The following TBC1D12 variants were observed in gnomAD, a reference collection of about 807,000 sequenced individuals.
TBC1D12 encodes the protein TBC1 domain family member 12.
TBC1D12 carries 56 observed loss-of-function variants against 86.7 expected under a neutral mutation model. The ratio of observed to expected loss-of-function variants is 0.65; its 90% confidence interval spans 0.52 to 0.81. TBC1D12 has a LOEUF of 0.81. TBC1D12 is among the 30% of genes least tolerant of loss of function. TBC1D12 has a pLI of 0.00. For missense variants in TBC1D12, 1,023 were observed against 1,038.8 expected, an observed-to-expected ratio of 0.98 and a Z score of 0.21; for synonymous variants, 421 against 411.7, an observed-to-expected ratio of 1.02 and a Z score of -0.27.
chr10:94,483,008 C>T (rs1303492253), intron 3 of TBC1D12, among the ~76,000 whole-genome samples: 1 of 151,416 alleles, frequency 6.6e-6, no homozygotes, highest in Non-Finnish European at 1.5e-5. Flanking sequence ...GAATAATACT[C>T]CATTGTCTAT....
chr10:94,441,725 A>G (rs1439201139), intron 1 of TBC1D12, among the ~76,000 whole-genome samples, 171 bp from the exon 2 acceptor site: 1 of 152,204 alleles, frequency 6.6e-6, no homozygotes, highest in East Asian at 1.9e-4. Context: ...ATTAAGCTAC[A>G]TATTCTTAAT....
chr10:94,461,564 A>G (rs1309365717), intron 2 of TBC1D12, among the ~76,000 whole-genome samples: 2 of 152,260 alleles, frequency 1.3e-5, no homozygotes, highest in East Asian at 1.9e-4. Flanking sequence ...AAAACTCACG[A>G]AAGTGTATGC....
chr10:94,482,321 C>A (rs1344245595), intron 3 of TBC1D12, among the ~76,000 whole-genome samples: 2 of 151,152 alleles, frequency 1.3e-5, no homozygotes, highest in Non-Finnish European at 2.9e-5. Context: ...TCAATGGTTC[C>A]CGCTTTTGTT....
intron 2 of TBC1D12, among the ~76,000 whole-genome samples, chr10:94,443,495 T>C (rs898476559): frequency 6.6e-6 from 1 of 152,212 alleles, no homozygotes; most frequent in Non-Finnish European, 1.5e-5. Context: ...AGTTTATCTA[T>C]TGGTACTTAA....
intron 2 of TBC1D12, chr10:94,447,668 T>C: frequency 1.0e-6 from 1 of 985,194 alleles, no homozygotes; most frequent in African/African-American, 1.7e-5. Flanking sequence ...TTTGAACCAG[T>C]TGGTGAGCCG....
chr10:94,530,524 A>C (rs1842395371), intron 11 of TBC1D12, among the ~76,000 whole-genome samples: 1 of 152,220 alleles, frequency 6.6e-6, no homozygotes, highest in African/African-American at 2.4e-5. Context: ...CATTTCTTAC[A>C]TGCCAAACGC....
At chr10:94,490,597 T>G (rs2056232956) in intron 3 of TBC1D12, among the ~76,000 whole-genome samples, 1 of 152,202 alleles carries the variant, frequency 6.6e-6, no homozygotes, top group Non-Finnish European at 1.5e-5. Context: ...ATGTCAGACA[T>G]TGTGGTTTAC....
At chr10:94,513,649 G>A (rs2056552630) in intron 9 of TBC1D12, among the ~76,000 whole-genome samples, 2 of 151,802 alleles carry the variant, frequency 1.3e-5, no homozygotes, top group African/African-American at 4.8e-5. Context: ...TCGACTTCCT[G>A]GTCCCCTGGT....
At chr10:94,411,435 G>A (rs1174693834) in intron 1 of TBC1D12, among the ~76,000 whole-genome samples, 3 of 152,152 alleles carry the variant, frequency 2.0e-5, no homozygotes, top group African/African-American at 7.2e-5. Flanking sequence ...AAAATCACCT[G>A]AAAGCACCCA....
intron 4 of TBC1D12, 23 bp from the exon 5 acceptor site, chr10:94,497,032 T>A: frequency 7.0e-7 from 1 of 1,438,110 alleles, no homozygotes. Flanking sequence ...TGTATTGAAA[T>A]AATTTTTACT....
At chr10:94,516,443 G>A (rs2056592631) in intron 9 of TBC1D12, among the ~76,000 whole-genome samples, 1 of 151,728 alleles carries the variant, frequency 6.6e-6, no homozygotes, top group African/African-American at 2.4e-5. Flanking sequence ...ATTATACTAA[G>A]TTCTAGGGTA....
intron 1 of TBC1D12, among the ~76,000 whole-genome samples, chr10:94,438,494 A>AG (rs1275225594): frequency 6.6e-6 from 1 of 152,032 alleles, no homozygotes; most frequent in Non-Finnish European, 1.5e-5. Flanking sequence ...TCACTCCCTT[A>AG]GGGCCAGACC....
chr10:94,523,298 T>A (rs1383139033), intron 11 of TBC1D12, among the ~76,000 whole-genome samples: 2 of 151,860 alleles, frequency 1.3e-5, no homozygotes, highest in African/African-American at 4.8e-5. Context: ...TAATATTATC[T>A]TTATCTTGAG....
chr10:94,467,636 G>A (rs2055843986), intron 2 of TBC1D12, among the ~76,000 whole-genome samples: 1 of 144,512 alleles, frequency 6.9e-6, no homozygotes, highest in Non-Finnish European at 1.5e-5. Flanking sequence ...ATACTTAAAT[G>A]AATCTGGCCA....
intron 2 of TBC1D12, among the ~76,000 whole-genome samples, chr10:94,474,039 A>G (rs1395552556): frequency 6.6e-6 from 1 of 152,162 alleles, no homozygotes; most frequent in Non-Finnish European, 1.5e-5. Context: ...TTGAAATCCA[A>G]AACTATCATT....
At chr10:94,467,447 G>T (rs1162781028) in intron 2 of TBC1D12, among the ~76,000 whole-genome samples, 1 of 152,006 alleles carries the variant, frequency 6.6e-6, no homozygotes, top group Non-Finnish European at 1.5e-5. Context: ...GGTCAGGCTG[G>T]TCTCGAACTT....
chr10:94,435,407 T>G (rs941491122), intron 1 of TBC1D12, among the ~76,000 whole-genome samples: 2 of 152,232 alleles, frequency 1.3e-5, no homozygotes, highest in Admixed American at 6.5e-5. Context: ...TATACAGTGG[T>G]CAATACATTA....
In TBC1D12 at chr10:94,500,335, T is replaced by G. The variant is rs777482388; in HGVS notation, c.1519+8T>G. ...AACTAAATATCACTCCTGGTTTGTA[T>G]TCTACGTTCAGTTATTCCCACATGT... On this transcript the variant is annotated splice_region_variant and intron_variant, in intron 6 of 12. Coordinates refer to ENST00000225235, the MANE Select transcript of TBC1D12 (RefSeq NM_015188.2). 6.2e-7 allele frequency: 1 copy of G among 1,610,488 alleles called. No homozygotes were observed. The highest frequency in any genetic ancestry group is 8.5e-7 in the Non-Finnish European group (1 of 1,177,916).
intron 2 of TBC1D12, among the ~76,000 whole-genome samples, chr10:94,445,540 A>T (rs1260752598): frequency 6.6e-6 from 1 of 152,118 alleles, no homozygotes; most frequent in Non-Finnish European, 1.5e-5. Context: ...CGAACTTTCC[A>T]GCTATGTCAC....
Sources: allele counts gnomAD v4.1 joint callset (sites outside exome capture counted in the v4.1 genomes callset), GRCh38; gene constraint gnomAD v4.1.1; transcripts MANE v1.5; gene names NCBI Gene and HGNC (gene_info 2026-07-23, HGNC 2026-07-21).